TOP2B: variants seen among roughly 807,000 people sequenced by gnomAD.
TOP2B encodes the protein DNA topoisomerase 2-beta.
A neutral mutation model predicts 193.5 loss-of-function variants in TOP2B; 51 were observed. The ratio of observed to expected loss-of-function variants is 0.26; its 90% CI spans 0.21 to 0.33. The LOEUF (loss-of-function observed/expected upper bound fraction) is 0.33, where lower values mean the gene tolerates loss of function less well. Among genes scored for constraint, TOP2B ranks in the 10% least tolerant of loss-of-function variants. The probability of loss-of-function intolerance (pLI) is 1.00; values close to 1 mark genes in which losing one functional copy is unlikely to be tolerated. For missense variants in TOP2B, 1,378 were observed against 1,909.3 expected, an observed-to-expected ratio of 0.72 and a Z score of 5.19; for synonymous variants, 634 against 635.7, an observed-to-expected ratio of 1.00 and a Z score of 0.04.
chr3:25,616,847 C>T (rs1041825069), intron 25 of TOP2B, among the ~76,000 whole-genome samples: 2 of 151,392 alleles, frequency 1.3e-5, no homozygotes, highest in Admixed American at 6.6e-5. Flanking sequence ...TATCTATCAC[C>T]GTTAACATAA....
chr3:25,659,627 AC>A (rs1703852084), intron 1 of TOP2B, among the ~76,000 whole-genome samples: 1 of 152,214 alleles, frequency 6.6e-6, no homozygotes, highest in Non-Finnish European at 1.5e-5. Context: ...GAATTATGAA[AC>A]TAGATGATCT....
At chr3:25,655,826 T>G (rs968141302) in intron 1 of TOP2B, among the ~76,000 whole-genome samples, 2 of 152,112 alleles carry the variant, frequency 1.3e-5, no homozygotes, top group African/African-American at 4.8e-5. Context: ...GTATCCACAG[T>G]AATCAAAATC....
At chr3:25,658,699 G>C (rs1703821385) in intron 1 of TOP2B, among the ~76,000 whole-genome samples, 1 of 151,838 alleles carries the variant, frequency 6.6e-6, no homozygotes, top group Non-Finnish European at 1.5e-5. Context: ...TTGCAATATT[G>C]CTAATGCCTA....
At chr3:25,660,640 A>G (rs1404594845) in intron 1 of TOP2B, among the ~76,000 whole-genome samples, 2 of 152,232 alleles carry the variant, frequency 1.3e-5, no homozygotes, top group Non-Finnish European at 2.9e-5. Context: ...CTAACTATGG[A>G]GACTATAATA....
chr3:25,598,320 G>A lies in TOP2B; in HGVS notation c.4868C>T (p.Ala1623Val). 3 of 1,608,606 alleles carry A rather than the reference G, an allele frequency of 1.9e-6. No individual in the cohort carries two copies. Among genetic ancestry groups the A allele is most frequent in the Non-Finnish European group, 2.5e-6 (3 of 1,177,118 alleles). ...CTCTTTGGGCACTTAATTAAACATT[G>A]CAAAATCAACATCATCTTCTTCTTC... ...SDEEEDDVDF[A>V]MFN Residue 1623 changes from alanine (A) to valine (V), a missense_variant, in exon 36 of 36, where the codon GCA (alanine) becomes GTA (valine). Physicochemically the swap from Ala to Val is moderately conservative, Grantham distance 64. Coordinates refer to ENST00000264331, the MANE Select transcript of TOP2B (RefSeq NM_001330700.2).
At position 25,620,719 on chromosome 3, in the gene TOP2B, A is replaced by G. The variant is rs1386449143; in HGVS notation, c.2825T>C (p.Val942Ala). The stretch of plus-strand genomic sequence containing the variant: ...TCTAACTGGAAGCTCTGTAATTTCT[A>G]CTGTGTTTCTGTCCACTACAAATAT... ...GEIFVVDRNT[V>A]EITELPVRTW... is the part of the protein sequence containing the mutation. Residue 942 changes from valine (V) to alanine (A), a missense_variant, in exon 22 of 36, where the codon GTA becomes GCA. Physicochemically the swap from Val to Ala is moderately conservative, Grantham distance 64 (BLOSUM62 0). Transcript: ENST00000264331. 3.1e-6 allele frequency: 5 copies of G among 1,612,868 alleles called. No homozygotes were observed. The highest frequency in any genetic ancestry group is 3.4e-6 in the Non-Finnish European group (4 of 1,179,442).
intron 25 of TOP2B, among the ~76,000 whole-genome samples, chr3:25,616,155 G>A (rs540742128): frequency 2.2e-4 from 34 of 151,944 alleles, no homozygotes; most frequent in Middle Eastern, 3.4e-3. Context: ...TAAGAATTTC[G>A]TCAGGGTTTT....
intron 1 of TOP2B, among the ~76,000 whole-genome samples, chr3:25,646,519 CT>C (rs1703419862): frequency 6.6e-6 from 1 of 152,148 alleles, no homozygotes. Context: ...TACTTCTCTC[CT>C]TCTGGGATTC....
chr3:25,643,321 CAT>C (rs1703316063), intron 3 of TOP2B, among the ~76,000 whole-genome samples: 2 of 152,146 alleles, frequency 1.3e-5, no homozygotes. Context: ...TGGTGAAAAA[CAT>C]ATTTACATAT....
chr3:25,651,445 T>TTA (rs1703586171), intron 1 of TOP2B, among the ~76,000 whole-genome samples: 1 of 118,538 alleles, frequency 8.4e-6, no homozygotes, highest in African/African-American at 3.1e-5. Context: ...AACATGTCAC[T>TTA]AAAAAAAAAA....
At chr3:25,630,961 T>C (rs1702936728) in intron 10 of TOP2B, 22 bp from the exon 11 acceptor site, 8 of 1,553,154 alleles carry the variant, frequency 5.2e-6, no homozygotes, top group Non-Finnish European at 6.9e-6. Context: ...AGAATAATGG[T>C]ATACAAACAA....
Position 25,637,331 on chromosome 3 carries a change from G to C in TOP2B, c.542-19C>G. 1 of 1,515,626 alleles carries C rather than the reference G, an allele frequency of 6.6e-7. No homozygotes were observed. Among genetic ancestry groups the C allele is most frequent in the Non-Finnish European group, 8.9e-7 (1 of 1,119,994 alleles). 93.9% of individuals were successfully genotyped at this position (1,515,626 alleles called of 1,614,324 possible). A position where few individuals can be genotyped will look rare whatever the true frequency, so the allele number is the denominator to read the frequency against. ...CGACCACCTGTAAGAAAAATTAAATGTAAAAGGTTTAGTAAAAATGATTTT... is the reference window on the plus strand; with the variant it reads ...CGACCACCTGTAAGAAAAATTAAATCTAAAAGGTTTAGTAAAAATGATTTT... On this transcript the variant is annotated intron_variant, in intron 5 of 35. Coordinates refer to ENST00000264331, the MANE Select transcript of TOP2B (RefSeq NM_001330700.2).
chr3:25,607,332 A>C lies in TOP2B; in HGVS notation c.4137T>G (p.Asp1379Glu), dbSNP rs1337732642. The C allele has an allele frequency of 3.9e-6, 6 of 1,552,088 alleles. No individual in the cohort carries two copies. In the African/African-American group the frequency reaches 8.2e-5, roughly 21 times the overall value. ...CATCATCATCATCATCAGCATCATCATCCTCTTCTTCTGAGAAATCAAATG... is the reference window on the plus strand; with the variant it reads ...CATCATCATCATCATCAGCATCATCCTCCTCTTCTTCTGAGAAATCAAATG... Reference protein sequence around the residue: ...KYTFDFSEEEDDDADDDDDDN... With the variant: ...KYTFDFSEEEEDDADDDDDDN... Residue 1379 changes from aspartate (D) to glutamate (E), a missense_variant, in exon 31 of 36, where the codon GAT (aspartate) becomes GAG (glutamate). Physicochemically the swap from Asp to Glu is conservative, Grantham distance 45. This residue lies in a region of TOP2B where 556 missense variants were observed against 584.2 expected (regional missense o/e 0.95). Transcript: ENST00000264331.
At chr3:25,620,438 A>G (rs1208635144) in intron 22 of TOP2B, among the ~76,000 whole-genome samples, 1 of 152,196 alleles carries the variant, frequency 6.6e-6, no homozygotes, top group African/African-American at 2.4e-5. Context: ...TACTCCTTTT[A>G]TTTTAAATAA....
At position 25,602,024 on chromosome 3, in the gene TOP2B, T is replaced by C. The variant is rs187966595; in HGVS notation, c.4490-799A>G. Among the ~76,000 whole-genome samples the C allele has an allele frequency of 2.4e-3, 372 of 152,288 alleles. 2 individuals carry two copies. The highest frequency in any genetic ancestry group is 0.02 in the Middle Eastern group (6 of 294). On this transcript the variant is annotated intron_variant, in intron 33 of 35. Transcript: ENST00000264331. ...TATAAAATCCTAGATAAGTAGACAA[T>C]TGATACCAGGCCTTTGCTTTCTGGA...
At chr3:25,658,193 C>T (rs932252287) in intron 1 of TOP2B, among the ~76,000 whole-genome samples, 13 of 151,716 alleles carry the variant, frequency 8.6e-5, no homozygotes, top group Non-Finnish European at 1.8e-4. Flanking sequence ...AGCGCCACTG[C>T]ACCCCAACCT....
At chr3:25,628,286 G>T (rs1453427607) in intron 15 of TOP2B, among the ~76,000 whole-genome samples, 6 of 151,674 alleles carry the variant, frequency 4.0e-5, no homozygotes, top group African/African-American at 1.5e-4. Context: ...GACCAGCCTG[G>T]GCAACAAACC....
intron 7 of TOP2B, 128 bp from the exon 8 acceptor site, chr3:25,634,142 T>G (rs1409710465): frequency 1.2e-5 from 8 of 656,340 alleles, no homozygotes; most frequent in South Asian, 9.3e-5. Flanking sequence ...GATCCAAACC[T>G]TAGTGGCATT....
At chr3:25,624,156 G>A in intron 20 of TOP2B, 141 bp downstream of exon 20, 7 of 1,005,258 alleles carry the variant, frequency 7.0e-6, no homozygotes, top group Non-Finnish European at 8.7e-6. Flanking sequence ...TCTATTTGTG[G>A]TCAAATAATT....
Sources: gnomAD v4.1 joint callset for allele counts (sites outside exome capture counted in the v4.1 genomes callset) on GRCh38, gnomAD v4.1.1 for gene constraint, gnomAD v4.1.1 regional missense constraint, MANE v1.5 for transcripts, NCBI Gene and HGNC (gene_info 2026-07-23, HGNC 2026-07-21) for gene names.